ANKRD44: variants seen among roughly 807,000 people sequenced by gnomAD.
The protein encoded by ANKRD44 is ankyrin repeat domain 44.
In ANKRD44, 35 loss-of-function variants were observed where a neutral mutation model predicts 116.0. The ratio of observed to expected loss-of-function variants is 0.30; its 90% CI spans 0.23 to 0.40. The LOEUF (loss-of-function observed/expected upper bound fraction) is 0.40. ANKRD44 is among the 10% of genes least tolerant of loss of function. The pLI, the probability that ANKRD44 is intolerant of heterozygous loss-of-function variation, is 1.00. For synonymous variants in ANKRD44, 435 were observed against 461.8 expected (o/e 0.94, Z 0.74); for missense variants, 1,014 against 1,242.6 (o/e 0.82, Z 2.77).
chr2:197,126,035 T>C lies in ANKRD44; in HGVS notation c.264A>G (p.Glu88=). The part of the protein sequence containing the change: ...LHRAVASRSE[E]AVQVLIKHSA... ...AGTGCTTAATCAAAACCTGTACTGC[T>C]TCCTACAACAAAAGCAGAGTTTGCA... Residue 88 remains glutamate (E), a splice_region_variant and synonymous_variant, in exon 5 of 28, where the codon GAA becomes GAG. Coordinates refer to ENST00000282272, the MANE Select transcript of ANKRD44 (RefSeq NM_001195144.2). 6.2e-7 allele frequency: 1 copy of C among 1,614,190 alleles called. No homozygotes were observed. The highest frequency in any genetic ancestry group is 8.5e-7 in the Non-Finnish European group (1 of 1,180,032).
At chr2:197,171,770 G>A (rs865828837) in intron 2 of ANKRD44, among the ~76,000 whole-genome samples, 11 of 152,234 alleles carry the variant, frequency 7.2e-5, no homozygotes, top group Non-Finnish European at 1.3e-4. Context: ...TGTTAATAGC[G>A]GGAGGAAGCC....
chr2:197,205,112 T>C (rs1461969761), intron 1 of ANKRD44, among the ~76,000 whole-genome samples: 1 of 152,202 alleles, frequency 6.6e-6, no homozygotes, highest in Non-Finnish European at 1.5e-5. Context: ...ATTAGAAACT[T>C]GAAACAAAGC....
intron 9 of ANKRD44, among the ~76,000 whole-genome samples, chr2:197,102,223 A>G (rs973425323): frequency 6.6e-6 from 1 of 152,174 alleles, no homozygotes; most frequent in Admixed American, 6.5e-5. Context: ...CCTATGGGTA[A>G]GCATTTAGGT....
intron 1 of ANKRD44, among the ~76,000 whole-genome samples, chr2:197,278,325 C>G (rs1424135700): frequency 2.6e-5 from 4 of 151,744 alleles, no homozygotes; most frequent in Non-Finnish European, 5.9e-5. Flanking sequence ...ATTCTGCATC[C>G]TAAATGTGCA....
In ANKRD44 at chr2:197,118,639, G is replaced by GAGAGAAAGAAAGAAAGAAAGAAAA. The variant is rs1219165133; in HGVS notation, c.906+2692_906+2693insTTTTCTTTCTTTCTTTCTTTCTCT. On this transcript the variant is annotated intron_variant, in intron 8 of 27. Transcript: ENST00000282272. ...AAAGAGAGAGAGAGAGAGAGAGAGA[G>GAGAGAAAGAAAGAAAGAAAGAAAA]AAAGAAAGAAAGAAAGAAAGAAAGA... Among the ~76,000 whole-genome samples, 173 of 135,908 alleles carry GAGAGAAAGAAAGAAAGAAAGAAAA rather than the reference G, an allele frequency of 1.3e-3. 1 individual carries two copies. Among genetic ancestry groups the GAGAGAAAGAAAGAAAGAAAGAAAA allele is most frequent in the Non-Finnish European group, 8.4e-4 (52 of 61,870 alleles). 89.2% of individuals were successfully genotyped at this position (135,908 alleles called of 152,430 possible). A position where few individuals can be genotyped will look rare whatever the true frequency, so the allele number is the denominator to read the frequency against.
At chr2:197,032,545 C>T (rs148886598) in intron 16 of ANKRD44, among the ~76,000 whole-genome samples, 3,103 of 152,168 alleles carry the variant, frequency 0.02, 48 homozygotes, top group Non-Finnish European at 0.032. Flanking sequence ...CCCGCCACCA[C>T]GCCTGGCTAG....
chr2:197,309,783 G>C (rs916401262), intron 1 of ANKRD44, among the ~76,000 whole-genome samples: 9 of 152,186 alleles, frequency 5.9e-5, no homozygotes, highest in African/African-American at 2.2e-4. Flanking sequence ...AGCAGAGTCC[G>C]CGAAGGTGGC....
chr2:197,187,172 T>A (rs1478304749), intron 1 of ANKRD44, 66 bp from the exon 2 acceptor site: 1 of 1,462,660 alleles, frequency 6.8e-7, no homozygotes, highest in Non-Finnish European at 9.6e-7. Context: ...CAGATGCAGA[T>A]GGTGAGAAGA....
chr2:197,262,736 T>C (rs1310825076), intron 1 of ANKRD44, among the ~76,000 whole-genome samples: 2 of 152,096 alleles, frequency 1.3e-5, no homozygotes, highest in African/African-American at 4.8e-5. Flanking sequence ...AAACCCTGTC[T>C]CTAATAAAAA....
chr2:197,278,001 G>A (rs1376197511), intron 1 of ANKRD44, among the ~76,000 whole-genome samples: 3 of 152,118 alleles, frequency 2.0e-5, no homozygotes, highest in East Asian at 1.9e-4. Flanking sequence ...ACACTGCTTC[G>A]ACAGTTCTAG....
intron 16 of ANKRD44, among the ~76,000 whole-genome samples, chr2:197,026,568 T>C (rs2076599371): frequency 6.6e-6 from 1 of 152,088 alleles, no homozygotes; most frequent in African/African-American, 2.4e-5. Context: ...AGGGTGAGAA[T>C]GGCAGGACAG....
chr2:197,169,635 C>T (rs2080179134), intron 2 of ANKRD44, among the ~76,000 whole-genome samples: 1 of 152,168 alleles, frequency 6.6e-6, no homozygotes, highest in Admixed American at 6.6e-5. Context: ...AGTGCAGTCC[C>T]CAACCAGCAG....
chr2:197,138,710 T>C (rs1029961582), intron 3 of ANKRD44, among the ~76,000 whole-genome samples: 3 of 152,228 alleles, frequency 2.0e-5, no homozygotes, highest in African/African-American at 7.2e-5. Flanking sequence ...TTGACCACAC[T>C]GTGTTTCTGT....
chr2:197,106,715 G>A (rs566991901), intron 9 of ANKRD44, among the ~76,000 whole-genome samples: 48 of 151,692 alleles, frequency 3.2e-4, no homozygotes, highest in South Asian at 2.3e-3. Flanking sequence ...GAGTGAACCC[G>A]GGAGGCAAAG....
intron 1 of ANKRD44, among the ~76,000 whole-genome samples, chr2:197,252,446 G>A (rs1420089864): frequency 6.6e-6 from 1 of 150,864 alleles, no homozygotes; most frequent in South Asian, 2.1e-4. Context: ...AGTCTCTGTC[G>A]CCCAGGCTGG....
intron 2 of ANKRD44, among the ~76,000 whole-genome samples, chr2:197,173,479 T>C (rs1282893247): frequency 6.6e-6 from 1 of 152,192 alleles, no homozygotes; most frequent in Admixed American, 6.5e-5. Flanking sequence ...AAAAACAGAC[T>C]TCCCTGACAT....
intron 1 of ANKRD44, among the ~76,000 whole-genome samples, chr2:197,284,608 A>G (rs1017979071): frequency 1.3e-5 from 2 of 152,070 alleles, no homozygotes; most frequent in Non-Finnish European, 2.9e-5. Context: ...TATTAGAGCC[A>G]GGCGTGGTGG....
chr2:196,972,077 G>C (rs2075719971), intron 21 of ANKRD44, among the ~76,000 whole-genome samples: 1 of 152,134 alleles, frequency 6.6e-6, no homozygotes, highest in African/African-American at 2.4e-5. Context: ...ATGACTACAT[G>C]CAAGACTCCT....
Position 197,177,657 on chromosome 2 carries a change from AG to A in ANKRD44, c.111+9365del, listed in dbSNP as rs1318876102. On this transcript the variant is annotated intron_variant, in intron 2 of 27. Coordinates refer to ENST00000282272, the MANE Select transcript of ANKRD44 (RefSeq NM_001195144.2). ...CCATTTCTAAATATAATACATGGTCAGTGTAAAAAAACTTTAATAATACATA... is the reference window on the plus strand; with the variant it reads ...CCATTTCTAAATATAATACATGGTCATGTAAAAAAACTTTAATAATACATA... 2.0e-5 allele frequency among the ~76,000 whole-genome samples: 3 copies of A among 152,104 alleles called. No homozygotes were observed. In the East Asian group the frequency reaches 5.8e-4, roughly 29 times the overall value.
Sources: gnomAD v4.1 joint callset for allele counts (sites outside exome capture counted in the v4.1 genomes callset) on GRCh38, gnomAD v4.1.1 for gene constraint, MANE v1.5 for transcripts, NCBI Gene and HGNC (gene_info 2026-07-23, HGNC 2026-07-21) for gene names.